MLXIPL: variants seen among roughly 807,000 people sequenced by gnomAD.
MLXIPL encodes carbohydrate-responsive element-binding protein.
In MLXIPL, 49 loss-of-function variants were observed where a neutral mutation model predicts 81.5. The ratio of observed to expected loss-of-function variants is 0.60; its 90% CI spans 0.48 to 0.76. MLXIPL has a LOEUF of 0.76. Ranked by LOEUF, MLXIPL falls within the 30% of genes least tolerant of loss-of-function variation. MLXIPL has a pLI of 0.00. For missense variants in MLXIPL, 1,053 were observed against 1,167.0 expected, an observed-to-expected ratio of 0.90 and a Z score of 1.42; for synonymous variants, 466 against 485.5, an observed-to-expected ratio of 0.96 and a Z score of 0.53.
At chr7:73,613,968 C>A (rs886201645) in intron 2 of MLXIPL, among the ~76,000 whole-genome samples, 2 of 152,170 alleles carry the variant, frequency 1.3e-5, no homozygotes, top group African/African-American at 4.8e-5. Flanking sequence ...GAAACCCTGT[C>A]TCCACTAAAA....
At position 73,594,350 on chromosome 7, in the gene MLXIPL, C is replaced by T. The variant is rs138383808; in HGVS notation, c.2364G>A (p.Thr788=). ...LFESFNGMVS[T]ASVHTLRQTS... is the part of the protein sequence containing the mutation. Reference sequence around the variant, plus strand: ...TCTGGCGGAGGGTGTGCACACTTGCCGTGGACACCATCCCGTTGAAGGACT... The same window carrying T: ...TCTGGCGGAGGGTGTGCACACTTGCTGTGGACACCATCCCGTTGAAGGACT... The change falls in exon 16 of 17, where the codon ACG becomes ACA. Residue 788 remains threonine (T), a synonymous_variant. Coordinates refer to ENST00000313375, the MANE Select transcript of MLXIPL (RefSeq NM_032951.3). 104 of 1,609,690 alleles carry T rather than the reference C, an allele frequency of 6.5e-5. 1 individual carries two copies. The Middle Eastern group carries it at 9.9e-4, about 15-fold the overall frequency.
At chr7:73,632,289 A>G in the MLXIPL span, among the ~76,000 whole-genome samples, 2 of 152,140 alleles carry the variant, frequency 1.3e-5, no homozygotes, top group Non-Finnish European at 2.9e-5. Context: ...GGCATGAGCC[A>G]CTGTGCCTGG....
rs150631021 is a variant in MLXIPL, at chr7:73,609,014, G to T, written c.401-1342C>A. ...TGTAGAGACAGGGTCTCCCTGTGTT[G>T]CCCAGGCTGGTCTCGAACTCCTGAG... On this transcript the variant is annotated intron_variant, in intron 2 of 16. Transcript: ENST00000313375. Among the ~76,000 whole-genome samples the T allele has an allele frequency of 2.3e-3, 355 of 152,152 alleles. 1 individual carries two copies. The highest frequency in any genetic ancestry group is 0.017 in the Middle Eastern group (5 of 294).
chr7:73,638,074 C>T, the MLXIPL span, among the ~76,000 whole-genome samples: 1 of 152,112 alleles, frequency 6.6e-6, no homozygotes, highest in Admixed American at 6.6e-5. Flanking sequence ...TGGTCTTGTC[C>T]CATCCATCTG....
intron 2 of MLXIPL, chr7:73,609,227 C>T (rs914456114): frequency 1.3e-5 from 2 of 149,066 alleles, no homozygotes; most frequent in Admixed American, 6.7e-5. Flanking sequence ...CTCCTAGCTT[C>T]CCTGGCCACT....
chr7:73,605,738 G>C lies in MLXIPL; in HGVS notation c.851C>G (p.Pro284Arg). 6.2e-7 allele frequency: 1 copy of C among 1,613,648 alleles called. No individual in the cohort carries two copies. The highest frequency in any genetic ancestry group is 8.5e-7 in the Non-Finnish European group (1 of 1,179,884). Reference sequence around the variant, plus strand: ...GCTTGGCTGCAGTGGCGTCAGGTCCGGCTGGATCATGTCAGCATTGCCGAC... The same window carrying C: ...GCTTGGCTGCAGTGGCGTCAGGTCCCGCTGGATCATGTCAGCATTGCCGAC... ...AYVGNADMIQ[P>R]DLTPLQPSLD... is the part of the protein sequence containing the mutation. The change falls in exon 7 of 17, where the codon CCG becomes CGG. Residue 284 changes from proline to arginine, a missense_variant. Physicochemically the swap from Pro to Arg is moderately radical, Grantham distance 103. Coordinates refer to ENST00000313375, the MANE Select transcript of MLXIPL (RefSeq NM_032951.3).
chr7:73,621,927 T>C (rs1400608650), intron 1 of MLXIPL, among the ~76,000 whole-genome samples: 4 of 63,682 alleles, frequency 6.3e-5, no homozygotes, highest in Non-Finnish European at 8.9e-5. Flanking sequence ...CATCTCCCTC[T>C]CTCCATCTCC....
chr7:73,639,379 T>C, the MLXIPL span, among the ~76,000 whole-genome samples: 3 of 152,246 alleles, frequency 2.0e-5, no homozygotes, highest in African/African-American at 7.2e-5. Flanking sequence ...TGAACAAAGA[T>C]ATTCCTCACA....
intron 9 of MLXIPL, 48 bp downstream of exon 9, chr7:73,597,134 C>T (rs1794395016): frequency 6.5e-6 from 10 of 1,546,782 alleles, no homozygotes; most frequent in Non-Finnish European, 8.7e-6. Flanking sequence ...CCTCCCCACC[C>T]CCTGGCCTCC....
rs1273887077 is a variant in MLXIPL, at chr7:73,623,823, T to C, written c.293+377A>G. Among the ~76,000 whole-genome samples the C allele has an allele frequency of 2.1e-5, 3 of 144,712 alleles. No individual in the cohort carries two copies. Among genetic ancestry groups the C allele is most frequent in the Admixed American group, 2.1e-4 (3 of 14,600 alleles). 94.9% of individuals were successfully genotyped at this position (144,712 alleles called of 152,430 possible). ...GGTGGAGTGGCTCCAGAGTGGAGAG[T>C]GGGGATGGGCGCGGGTGGCCTAGGG... On this transcript the variant is annotated intron_variant, in intron 1 of 16. Transcript: ENST00000313375. This position sits in a 1 kb window ranked among gnomAD's most constrained non-coding sequence, Gnocchi z 5.7.
intron 8 of MLXIPL, 49 bp from the exon 9 acceptor site, chr7:73,597,762 C>T (rs1794471959): frequency 3.9e-6 from 5 of 1,289,056 alleles, no homozygotes; most frequent in Non-Finnish European, 4.9e-6. Flanking sequence ...AGAGAGCTGC[C>T]CCTGGCAGCC....
At chr7:73,626,514 G>A (rs62466317), upstream of MLXIPL, among the ~76,000 whole-genome samples, 625 of 151,566 alleles carry the variant, frequency 4.1e-3, 1 homozygote, top group Non-Finnish European at 6.2e-3. Context: ...GCCTCCCAAA[G>A]TTTTGGGATT....
upstream of MLXIPL, among the ~76,000 whole-genome samples, chr7:73,626,126 C>A (rs1282625752): frequency 2.6e-5 from 4 of 151,982 alleles, no homozygotes; most frequent in African/African-American, 9.7e-5. Context: ...GCCTTAGCCT[C>A]CTGAGTAGCC....
At chr7:73,617,715 A>G (rs1053820540) in intron 1 of MLXIPL, among the ~76,000 whole-genome samples, 4 of 152,118 alleles carry the variant, frequency 2.6e-5, no homozygotes, top group African/African-American at 9.7e-5. Context: ...GTGTGGTGGC[A>G]TGCACCTATA....
rs782362627 is a variant in MLXIPL, at chr7:73,616,189, G to A, written c.294-12C>T. 29 of 1,602,972 alleles carry A rather than the reference G, an allele frequency of 1.8e-5. No individual in the cohort carries two copies. Among genetic ancestry groups the A allele is most frequent in the Non-Finnish European group, 2.2e-5 (26 of 1,169,892 alleles). Reference sequence around the variant, plus strand: ...ACACCAGCTTGCCACTGTCAAAGGGGAGAGGAGTAGGGTTAGGGAGATGCA... The same window carrying A: ...ACACCAGCTTGCCACTGTCAAAGGGAAGAGGAGTAGGGTTAGGGAGATGCA... On this transcript the variant is annotated splice_polypyrimidine_tract_variant and intron_variant, in intron 1 of 16. Transcript: ENST00000313375.
At chr7:73,631,774 CCTCT>C in the MLXIPL span, among the ~76,000 whole-genome samples, 6 of 146,674 alleles carry the variant, frequency 4.1e-5, no homozygotes, top group Non-Finnish European at 6.0e-5. Flanking sequence ...TCCCTCTCTC[CCTCT>C]CTCTCTCTTC....
chr7:73,623,626 A>T lies in MLXIPL; in HGVS notation c.293+574T>A, dbSNP rs34060476. On this transcript the variant is annotated intron_variant, in intron 1 of 16. Coordinates refer to ENST00000313375, the MANE Select transcript of MLXIPL (RefSeq NM_032951.3). The surrounding 1 kb of genome is among the most constrained non-coding windows in gnomAD (Gnocchi z 5.7). ...CCGCCACCCTTAATGTAGCAGATCA[A>T]GAAGAGGTGTCTCAGCAATTGCGGG... 6.6e-6 allele frequency among the ~76,000 whole-genome samples: 1 copy of T among 152,098 alleles called. No individual in the cohort carries two copies. Among genetic ancestry groups the T allele is most frequent in the South Asian group, 2.1e-4 (1 of 4,830 alleles).
At chr7:73,603,506 G>C (rs1357706990) in intron 7 of MLXIPL, among the ~76,000 whole-genome samples, 1 of 152,156 alleles carries the variant, frequency 6.6e-6, no homozygotes, top group Non-Finnish European at 1.5e-5. Context: ...CCCCCTCCCG[G>C]GACTGGAACA....
intron 1 of MLXIPL, among the ~76,000 whole-genome samples, chr7:73,622,196 G>T (rs1796427578): frequency 6.6e-6 from 1 of 151,764 alleles, no homozygotes; most frequent in Non-Finnish European, 1.5e-5. Flanking sequence ...GCTGATTAAA[G>T]AAAATTTTTT....
Sources: allele counts gnomAD v4.1 joint callset (sites outside exome capture counted in the v4.1 genomes callset), GRCh38; gene constraint gnomAD v4.1.1; non-coding constraint Gnocchi (gnomAD v3.1); transcripts MANE v1.5; gene names NCBI Gene and HGNC (gene_info 2026-07-23, HGNC 2026-07-21).